INTS10: variants seen among roughly 807,000 people sequenced by gnomAD.
The protein encoded by INTS10 is integrator complex subunit 10.
INTS10 carries 44 observed loss-of-function variants against 94.4 expected under a neutral mutation model. The observed-to-expected ratio is 0.47, with a 90% CI of 0.37 to 0.60. INTS10 has a LOEUF of 0.60. INTS10 is among the 20% of genes least tolerant of loss of function. INTS10 has a pLI of 0.00. For synonymous variants in INTS10, 341 were observed against 320.7 expected (o/e 1.06, Z -0.68); for missense variants, 797 against 868.7 (o/e 0.92, Z 1.04).
At chr8:19,850,584 T>G (rs931228697) in intron 16 of INTS10, among the ~76,000 whole-genome samples, 1 of 152,158 alleles carries the variant, frequency 6.6e-6, no homozygotes, top group East Asian at 1.9e-4. Flanking sequence ...ACAGAAACAT[T>G]TTAGAGTAAT....
In INTS10 at chr8:19,825,611, G is replaced by C. The variant is rs184464807; in HGVS notation, c.1006+639G>C. Reference sequence around the variant, plus strand: ...ATCACAAGAGGCAAAGATTTATTTAGTAAAATATCCATTTTATATATAGAG... The same window carrying C: ...ATCACAAGAGGCAAAGATTTATTTACTAAAATATCCATTTTATATATAGAG... On this transcript the variant is annotated intron_variant, in intron 8 of 16. Transcript: ENST00000397977. Among the ~76,000 whole-genome samples the C allele has an allele frequency of 3.2e-3, 493 of 151,894 alleles. 3 individuals are homozygous for C. The highest frequency in any genetic ancestry group is 6.6e-3 in the Admixed American group (101 of 15,258).
chr8:19,825,037 G>GGT, intron 8 of INTS10, 65 bp downstream of exon 8: 1 of 1,301,882 alleles, frequency 7.7e-7, no homozygotes, highest in Non-Finnish European at 1.1e-6. Flanking sequence ...TAAGGAAAAT[G>GGT]AAAGTGTTTA....
At chr8:19,829,023 G>A (rs1318826605) in intron 9 of INTS10, among the ~76,000 whole-genome samples, 1 of 152,214 alleles carries the variant, frequency 6.6e-6, no homozygotes, top group Non-Finnish European at 1.5e-5. Context: ...GTGGGCAGTG[G>A]AGGGAGGTGC....
At position 19,824,899 on chromosome 8, in the gene INTS10, G is replaced by A. The variant is rs2066671072; in HGVS notation, c.933G>A (p.Val311=). ...EAHAKYKNQV[V]YSTMLVFFKN... ...ATGCAAAATATAAAAACCAAGTGGT[G>A]TATTCCACCATGCTGGTCTTCTTTA... The change falls in exon 8 of 17, where the codon GTG becomes GTA. Residue 311 remains valine (V), a synonymous_variant. Coordinates refer to ENST00000397977, the MANE Select transcript of INTS10 (RefSeq NM_018142.4). The A allele has an allele frequency of 1.9e-6, 3 of 1,613,590 alleles. No individual in the cohort carries two copies. Among genetic ancestry groups the A allele is most frequent in the African/African-American group, 1.3e-5 (1 of 75,046 alleles).
At chr8:19,832,163 T>C in intron 11 of INTS10, 53 bp downstream of exon 11, 3 of 977,978 alleles carry the variant, frequency 3.1e-6, no homozygotes, top group Non-Finnish European at 3.3e-6. Flanking sequence ...ATGGCTATGG[T>C]GGCAAACCAG....
intron 12 of INTS10, among the ~76,000 whole-genome samples, chr8:19,835,041 A>T (rs2067543014): frequency 6.6e-6 from 1 of 151,998 alleles, no homozygotes; most frequent in African/African-American, 2.4e-5. Flanking sequence ...TTAGGTTTCA[A>T]CATACAAATT....
rs1353944748 is a variant in INTS10, at chr8:19,830,523, T to G, written c.1258T>G (p.Trp420Gly). ...AAGCTTTAAATTGGCCAGGGAGAGCTGGGAGTTGCTCTATTCCCTAGAATT... is the reference window on the plus strand; with the variant it reads ...AAGCTTTAAATTGGCCAGGGAGAGCGGGGAGTTGCTCTATTCCCTAGAATT... ...LESFKLARES[W>G]ELLYSLEFLD... Residue 420 changes from tryptophan to glycine, a missense_variant, in exon 10 of 17, where the codon TGG (tryptophan) becomes GGG (glycine). Transcript: ENST00000397977. 1 of 1,614,122 alleles carries G rather than the reference T, an allele frequency of 6.2e-7. No individual in the cohort carries two copies. Among genetic ancestry groups the G allele is most frequent in the African/African-American group, 1.3e-5 (1 of 75,064 alleles).
At position 19,818,295 on chromosome 8, in the gene INTS10, G is replaced by C. The variant is rs2066100290; in HGVS notation, c.150G>C (p.Glu50Asp). 2 of 1,614,066 alleles carry C rather than the reference G, an allele frequency of 1.2e-6. No homozygotes were observed. Among genetic ancestry groups the C allele is most frequent in the African/African-American group, 2.7e-5 (2 of 74,936 alleles). Reference protein sequence around the residue: ...FNIQYEMYTIERNAERTATAG... With the variant: ...FNIQYEMYTIDRNAERTATAG... ...TGCAGTATGAGATGTACACCATCGAGCGGAATGCAGAGCGGACCGCCACCG... is the reference window on the plus strand; with the variant it reads ...TGCAGTATGAGATGTACACCATCGACCGGAATGCAGAGCGGACCGCCACCG... Residue 50 changes from glutamate to aspartate, a missense_variant, in exon 2 of 17, where the codon GAG becomes GAC. Coordinates refer to ENST00000397977, the MANE Select transcript of INTS10 (RefSeq NM_018142.4).
chr8:19,842,527 T>C (rs770473877), intron 13 of INTS10, among the ~76,000 whole-genome samples: 2 of 152,216 alleles, frequency 1.3e-5, no homozygotes, highest in Non-Finnish European at 2.9e-5. Flanking sequence ...AATTAAGATA[T>C]TAACATTTCA....
At chr8:19,833,442 T>G (rs1302901948) in intron 12 of INTS10, 121 bp downstream of exon 12, 2 of 666,510 alleles carry the variant, frequency 3.0e-6, no homozygotes, top group Non-Finnish European at 4.4e-6. Flanking sequence ...TCTGCCTAGA[T>G]TTATTACTTA....
chr8:19,828,068 C>G (rs994757519), intron 9 of INTS10, among the ~76,000 whole-genome samples: 8 of 151,842 alleles, frequency 5.3e-5, no homozygotes, highest in African/African-American at 1.7e-4. Flanking sequence ...AAAAAACTAG[C>G]TGGCTGGTGG....
At chr8:19,820,274 A>G in intron 3 of INTS10, 105 bp from the exon 4 acceptor site, 2 of 1,068,204 alleles carry the variant, frequency 1.9e-6, no homozygotes, top group Non-Finnish European at 2.6e-6. Flanking sequence ...TTGATTTCAC[A>G]TGTAGTGTTT....
intron 12 of INTS10, among the ~76,000 whole-genome samples, chr8:19,836,252 C>G (rs765146047): frequency 7.9e-5 from 12 of 151,356 alleles, no homozygotes; most frequent in Non-Finnish European, 1.6e-4. Context: ...AATTCCTCCT[C>G]TGGAAAATAG....
chr8:19,833,978 G>A lies in INTS10; in HGVS notation c.1530+657G>A, dbSNP rs1258752428. 6.7e-5 allele frequency among the ~76,000 whole-genome samples: 10 copies of A among 150,128 alleles called. No homozygotes were observed. The East Asian group carries it at 2.0e-3, about 29-fold the overall frequency. ...GCCAAGATTGTGCCACTGCACTCCAGCCTGGGTGACAGAGCCAGACTCTGT... is the reference window on the plus strand; with the variant it reads ...GCCAAGATTGTGCCACTGCACTCCAACCTGGGTGACAGAGCCAGACTCTGT... On this transcript the variant is annotated intron_variant, in intron 12 of 16. Transcript: ENST00000397977.
Position 19,832,098 on chromosome 8 carries a change from G to T in INTS10, c.1365G>T (p.Met455Ile). The change falls in exon 11 of 17, where the codon ATG becomes ATT. Residue 455 changes from methionine to isoleucine, a missense_variant. Physicochemically the swap from Met to Ile is conservative, Grantham distance 10. This residue lies in a region of INTS10 where 734 missense variants were observed against 787.8 expected (regional missense o/e 0.93). Coordinates refer to ENST00000397977, the MANE Select transcript of INTS10 (RefSeq NM_018142.4). Reference protein sequence around the residue: ...WLWLRIFLTDMIIYQGQYKKA... With the variant: ...WLWLRIFLTDIIIYQGQYKKA... ...GGTTAAGAATCTTCCTCACTGATAT[G>T]ATCATCTATCAGGTAGAGTATTATA... 6.4e-7 allele frequency: 1 copy of T among 1,565,550 alleles called. No individual in the cohort carries two copies. The highest frequency in any genetic ancestry group is 1.1e-5 in the South Asian group (1 of 90,088).
At chr8:19,820,353 T>C (rs2066274283) in intron 3 of INTS10, 26 bp from the exon 4 acceptor site, 1 of 1,591,466 alleles carries the variant, frequency 6.3e-7, no homozygotes, top group African/African-American at 1.3e-5. Context: ...CAAGAAACTT[T>C]TAAAAGTGAA....
chr8:19,817,464 CT>C lies in INTS10; in HGVS notation c.-73del. 1 of 1,542,648 alleles carries C rather than the reference CT, an allele frequency of 6.5e-7. No homozygotes were observed. Reference sequence around the variant, plus strand: ...GCGGTGGCGGCGGCGGCGGCGGTGGCTGCCGTGGCGGCTGAGAGTCCAGAGC... The same window carrying C: ...GCGGTGGCGGCGGCGGCGGCGGTGGCGCCGTGGCGGCTGAGAGTCCAGAGC... On this transcript the variant is annotated 5_prime_UTR_variant, in exon 1 of 17. The change abolishes the stop of an existing upstream ORF in the 5' untranslated region. Transcript: ENST00000397977.
chr8:19,827,325 T>G (rs1208703801), intron 9 of INTS10, among the ~76,000 whole-genome samples: 2 of 152,206 alleles, frequency 1.3e-5, no homozygotes, highest in African/African-American at 4.8e-5. Flanking sequence ...CGAGTCTCCC[T>G]CTGAGGCTTC....
chr8:19,828,212 A>G (rs2066952024), intron 9 of INTS10, among the ~76,000 whole-genome samples: 1 of 152,176 alleles, frequency 6.6e-6, no homozygotes, highest in Admixed American at 6.5e-5. Flanking sequence ...CCCCGTCTAT[A>G]AAAAATAAAA....
Sources: gnomAD v4.1 joint callset for allele counts (sites outside exome capture counted in the v4.1 genomes callset) on GRCh38, gnomAD v4.1.1 for gene constraint, gnomAD v4.1.1 regional missense constraint, MANE v1.5 for transcripts, NCBI Gene and HGNC (gene_info 2026-07-23, HGNC 2026-07-21) for gene names.